ABCC4: variants seen among roughly 807,000 people sequenced by gnomAD.
ABCC4 encodes ATP-binding cassette sub-family C member 4.
In ABCC4, 102 loss-of-function variants were observed where a neutral mutation model predicts 168.5. That is an observed-to-expected ratio of 0.61 (90% CI 0.52 to 0.71). The LOEUF (loss-of-function observed/expected upper bound fraction) is 0.71, where lower values mean the gene tolerates loss of function less well. ABCC4 is among the 30% of genes least tolerant of loss of function. The pLI is 0.00. For missense variants in ABCC4, 1,402 were observed against 1,605.8 expected (o/e 0.87, Z 2.17); for synonymous variants, 617 against 590.7 (o/e 1.04, Z -0.65).
chr13:95,205,604 C>T (rs2038756774), intron 8 of ABCC4, among the ~76,000 whole-genome samples: 2 of 152,210 alleles, frequency 1.3e-5, no homozygotes, highest in Non-Finnish European at 1.5e-5. Context: ...TTGCCCCTGG[C>T]AATTGAGTGA....
intron 1 of ABCC4, among the ~76,000 whole-genome samples, chr13:95,284,455 C>T (rs1377118396): frequency 6.6e-6 from 1 of 152,206 alleles, no homozygotes; most frequent in Non-Finnish European, 1.5e-5. Context: ...TCCCAAAGTG[C>T]TGGGATTATA....
intron 27 of ABCC4, among the ~76,000 whole-genome samples, chr13:95,046,463 T>C (rs374436919): frequency 1.4e-4 from 21 of 152,242 alleles, no homozygotes; most frequent in Admixed American, 3.9e-4. Context: ...GGGATGGTTA[T>C]GAGAATGATA....
At position 95,178,064 on chromosome 13, in the gene ABCC4, G is replaced by A; in HGVS notation, c.1573C>T (p.Leu525=). 9 of 1,614,180 alleles carry A rather than the reference G, an allele frequency of 5.6e-6. No homozygotes were observed. The highest frequency in any genetic ancestry group is 5.1e-6 in the Non-Finnish European group (6 of 1,180,012). ...GTTCCCCGATCTCCTATCACAGTCA[G>A]ATCACCATCCTCCAACAGCTGTAAA... ...KDLQLLEDGD[L]TVIGDRGTTL... is the part of the protein sequence containing the mutation. The change falls in exon 12 of 31, where the codon CTG becomes TTG. Residue 525 remains leucine, a synonymous_variant. Coordinates refer to ENST00000645237, the MANE Select transcript of ABCC4 (RefSeq NM_005845.5).
chr13:95,040,960 A>G (rs1055235731), intron 29 of ABCC4, among the ~76,000 whole-genome samples: 7 of 152,316 alleles, frequency 4.6e-5, no homozygotes, highest in East Asian at 1.9e-4. Flanking sequence ...GTTCACTCAC[A>G]CTACCAGGGA....
At chr13:95,209,326 AG>A in intron 6 of ABCC4, 107 bp downstream of exon 6, 1 of 1,292,706 alleles carries the variant, frequency 7.7e-7, no homozygotes, top group South Asian at 1.5e-5. Context: ...AACATATGCA[AG>A]GAAGAGATAA....
At chr13:95,215,750 G>C (rs1165912562) in intron 4 of ABCC4, among the ~76,000 whole-genome samples, 1 of 152,142 alleles carries the variant, frequency 6.6e-6, no homozygotes, top group Non-Finnish European at 1.5e-5. Context: ...ATGTGTCAAA[G>C]ATGACATCAT....
intron 14 of ABCC4, among the ~76,000 whole-genome samples, chr13:95,167,503 T>C (rs557332877): frequency 5.9e-5 from 9 of 152,088 alleles, no homozygotes; most frequent in African/African-American, 2.2e-4. Context: ...ACCCCAATCC[T>C]CCCCACCCCC....
chr13:95,124,562 TAA>T (rs55651091), intron 19 of ABCC4, among the ~76,000 whole-genome samples: 14,028 of 120,938 alleles, frequency 0.12, 1,166 homozygotes, highest in African/African-American at 0.26. Context: ...CCCCCTTTCT[TAA>T]AAAAAAAAAA....
chr13:95,122,213 T>C (rs530314582), intron 19 of ABCC4, among the ~76,000 whole-genome samples: 17 of 152,224 alleles, frequency 1.1e-4, no homozygotes, highest in Non-Finnish European at 1.9e-4. Flanking sequence ...ATTTCCTGTT[T>C]GCTTATACAT....
chr13:95,270,511 T>C (rs8002180), intron 1 of ABCC4, among the ~76,000 whole-genome samples: 57,406 of 151,950 alleles, frequency 0.38, 12,908 homozygotes, highest in African/African-American at 0.64. Flanking sequence ...GGGTTTGACT[T>C]TATTACCCAC....
At chr13:95,171,809 G>C (rs1261023814) in intron 13 of ABCC4, among the ~76,000 whole-genome samples, 1 of 151,896 alleles carries the variant, frequency 6.6e-6, no homozygotes, top group African/African-American at 2.4e-5. Context: ...ACGTCCAAAA[G>C]GATTATTTTT....
intron 3 of ABCC4, among the ~76,000 whole-genome samples, chr13:95,235,465 G>A (rs2039739519): frequency 6.6e-6 from 1 of 152,104 alleles, no homozygotes; most frequent in African/African-American, 2.4e-5. Context: ...CCCAAGAGGA[G>A]TAAGGAATTT....
intron 1 of ABCC4, among the ~76,000 whole-genome samples, chr13:95,267,612 G>C (rs1341041857): frequency 3.9e-5 from 6 of 152,160 alleles, no homozygotes; most frequent in African/African-American, 1.4e-4. Context: ...GGAGTGGAGG[G>C]GAAGGAAGTC....
At chr13:95,227,781 C>T (rs113327663) in intron 4 of ABCC4, among the ~76,000 whole-genome samples, 3 of 152,164 alleles carry the variant, frequency 2.0e-5, no homozygotes, top group African/African-American at 7.2e-5. Flanking sequence ...CGGATCTCAG[C>T]TCACTGCAAC....
rs2031079251 is a variant in ABCC4, at chr13:95,021,448, T to G, written c.*127A>C. 1 of 572,382 alleles carries G rather than the reference T, an allele frequency of 1.7e-6. No homozygotes were observed. Among genetic ancestry groups the G allele is most frequent in the Non-Finnish European group, 3.1e-6 (1 of 322,772 alleles). 35.5% of individuals were successfully genotyped at this position (572,382 alleles called of 1,614,324 possible). A position where few individuals can be genotyped will look rare whatever the true frequency, so the allele number is the denominator to read the frequency against. On this transcript the variant is annotated 3_prime_UTR_variant, in exon 31 of 31. Transcript: ENST00000645237. ...TCCTTGGATAAGTTGGGAGAAATATTCAAATGAACTAGCATCTTGTATGTA... is the reference window on the plus strand; with the variant it reads ...TCCTTGGATAAGTTGGGAGAAATATGCAAATGAACTAGCATCTTGTATGTA...
chr13:95,188,059 A>G (rs980330238), intron 10 of ABCC4, among the ~76,000 whole-genome samples: 4 of 152,232 alleles, frequency 2.6e-5, no homozygotes, highest in Admixed American at 2.6e-4. Flanking sequence ...TGGAGAAGTC[A>G]TATCAAAACA....
Position 95,242,427 on chromosome 13 carries a change from C to T in ABCC4, c.306+4548G>A, listed in dbSNP as rs1039129958. Reference sequence around the variant, plus strand: ...ATTTTTAATAGAGATGGGGTTTCACCAGGTTGGTCAGGCTGGTCTCGAACT... The same window carrying T: ...ATTTTTAATAGAGATGGGGTTTCACTAGGTTGGTCAGGCTGGTCTCGAACT... On this transcript the variant is annotated intron_variant, in intron 3 of 30. Coordinates refer to ENST00000645237, the MANE Select transcript of ABCC4 (RefSeq NM_005845.5). 3.9e-5 allele frequency among the ~76,000 whole-genome samples: 6 copies of T among 152,232 alleles called. No homozygotes were observed. The Middle Eastern group carries it at 0.014, about 345-fold the overall frequency.
At chr13:95,276,250 C>T (rs944649169) in intron 1 of ABCC4, among the ~76,000 whole-genome samples, 5 of 151,642 alleles carry the variant, frequency 3.3e-5, no homozygotes, top group African/African-American at 9.7e-5. Flanking sequence ...CTAGTCCCTA[C>T]AAAAAAATTG....
intron 29 of ABCC4, among the ~76,000 whole-genome samples, chr13:95,036,361 C>A (rs2032119134): frequency 6.6e-6 from 1 of 152,132 alleles, no homozygotes; most frequent in Non-Finnish European, 1.5e-5. Context: ...GGAAGTCCTA[C>A]TACTATTTGG....
Sources: allele counts gnomAD v4.1 joint callset (sites outside exome capture counted in the v4.1 genomes callset), GRCh38; gene constraint gnomAD v4.1.1; transcripts MANE v1.5; gene names NCBI Gene and HGNC (gene_info 2026-07-23, HGNC 2026-07-21).